Variants in KBTBD11 observed in about 807,000 individuals in gnomAD.
KBTBD11 encodes kelch repeat and BTB domain-containing protein 11.
For synonymous variants in KBTBD11, 747 were observed against 499.0 expected, an observed-to-expected ratio of 1.50 and a Z score of -6.63; for missense variants, 1,390 against 1,001.8, an observed-to-expected ratio of 1.39 and a Z score of -5.23.
intron 1 of KBTBD11, among the ~76,000 whole-genome samples, chr8:1,980,222 A>T (rs1409464801): frequency 7.3e-6 from 1 of 137,328 alleles, no homozygotes; most frequent in Non-Finnish European, 1.5e-5. Context: ...AATACTGATA[A>T]TCAAACTTTT....
In KBTBD11 at chr8:1,973,713, G is replaced by A. The variant is rs2129305955; in HGVS notation, c.-1131G>A. On this transcript the variant is annotated 5_prime_UTR_variant, in exon 1 of 2. Coordinates refer to ENST00000320248, the MANE Select transcript of KBTBD11 (RefSeq NM_014867.3). The stretch of plus-strand genomic sequence containing the variant: ...GCGCCCCTCGCAGCCTGGAGCCGGA[G>A]CGCTGGCTCCGCGCGGCCTGGAGAG... 2 of 983,826 alleles carry A rather than the reference G, an allele frequency of 2.0e-6. No individual in the cohort carries two copies. The highest frequency in any genetic ancestry group is 9.4e-5 in the South Asian group (2 of 21,290). 60.9% of individuals were successfully genotyped at this position (983,826 alleles called of 1,614,324 possible).
Position 2,003,090 on chromosome 8 carries a change from C to A in KBTBD11, c.*26C>A. The A allele has an allele frequency of 7.9e-7, 1 of 1,259,242 alleles. No homozygotes were observed. The highest frequency in any genetic ancestry group is 1.0e-6 in the Non-Finnish European group (1 of 998,494). 78.0% of individuals were successfully genotyped at this position (1,259,242 alleles called of 1,614,324 possible). Reference sequence around the variant, plus strand: ...GCCGGCGGGGTCGGCGGGCGTCTCCCTCGGCAGGGGTTTGCGGGGCCCAGG... The same window carrying A: ...GCCGGCGGGGTCGGCGGGCGTCTCCATCGGCAGGGGTTTGCGGGGCCCAGG... On this transcript the variant is annotated 3_prime_UTR_variant, in exon 2 of 2. Coordinates refer to ENST00000320248, the MANE Select transcript of KBTBD11 (RefSeq NM_014867.3).
At chr8:1,986,304 G>A (rs1257447291) in intron 1 of KBTBD11, among the ~76,000 whole-genome samples, 1 of 152,210 alleles carries the variant, frequency 6.6e-6, no homozygotes, top group East Asian at 1.9e-4. Context: ...GATGATGCAG[G>A]TGCAGTAGAA....
At position 2,001,549 on chromosome 8, in the gene KBTBD11, C is replaced by G. The variant is rs1470514979; in HGVS notation, c.357C>G (p.Ser119=). The change falls in exon 2 of 2, where the codon TCC becomes TCG. Residue 119 remains serine (S), a synonymous_variant. Transcript: ENST00000320248. ...EPRVWLEDPA[S]PEEPGEPAPV... is the part of the protein sequence containing the mutation. ...GCGTTTGGCTTGAGGACCCCGCGTC[C>G]CCCGAGGAGCCCGGGGAGCCCGCGC... is the stretch of plus-strand genomic sequence containing the variant. The G allele has an allele frequency of 2.6e-5, 38 of 1,436,094 alleles. No individual in the cohort carries two copies. Among genetic ancestry groups the G allele is most frequent in the Non-Finnish European group, 3.3e-5 (36 of 1,100,402 alleles). 89.0% of individuals were successfully genotyped at this position (1,436,094 alleles called of 1,614,324 possible). A position where few individuals can be genotyped will look rare whatever the true frequency, so the allele number is the denominator to read the frequency against.
In KBTBD11 at chr8:2,002,095, C is replaced by G. The variant is rs939838353; in HGVS notation, c.903C>G (p.Leu301=). Residue 301 remains leucine (L), a synonymous_variant, in exon 2 of 2, where the codon CTC becomes CTG. Coordinates refer to ENST00000320248, the MANE Select transcript of KBTBD11 (RefSeq NM_014867.3). This position sits in a 1 kb window ranked among gnomAD's most constrained non-coding sequence, Gnocchi z 4.1. ...GCGCCCACCTCTTGGCCGCGGCGCT[C>G]GGGCCGGCGGGGGAGCGCGCGGGCA... ...AGRAHLLAAA[L]GPAGERAGSR... 17 of 1,089,026 alleles carry G rather than the reference C, an allele frequency of 1.6e-5. No homozygotes were observed. Among genetic ancestry groups the G allele is most frequent in the African/African-American group, 1.0e-4 (6 of 59,172 alleles). 67.5% of individuals were successfully genotyped at this position (1,089,026 alleles called of 1,614,324 possible).
intron 1 of KBTBD11, among the ~76,000 whole-genome samples, chr8:1,985,511 C>T (rs1243276071): frequency 3.3e-5 from 5 of 152,278 alleles, no homozygotes; most frequent in African/African-American, 2.4e-5. Flanking sequence ...GCAGCCTGCT[C>T]AGCTTCCAGC....
Position 2,002,893 on chromosome 8 carries a change from C to A in KBTBD11, c.1701C>A (p.Arg567=). 1 of 1,322,452 alleles carries A rather than the reference C, an allele frequency of 7.6e-7. No homozygotes were observed. Among genetic ancestry groups the A allele is most frequent in the African/African-American group, 1.5e-5 (1 of 64,784 alleles). 81.9% of individuals were successfully genotyped at this position (1,322,452 alleles called of 1,614,324 possible). A position where few individuals can be genotyped will look rare whatever the true frequency, so the allele number is the denominator to read the frequency against. The change falls in exon 2 of 2, where the codon CGC becomes CGA. Residue 567 remains arginine (R), a synonymous_variant. Transcript: ENST00000320248. This position sits in a 1 kb window ranked among gnomAD's most constrained non-coding sequence, Gnocchi z 4.1. ...ALDGAIYCVS[R]AGTWRFQPAR... ...ACGGCGCCATCTACTGCGTGAGCCGCGCGGGCACCTGGCGCTTCCAGCCTG... is the reference window on the plus strand; with the variant it reads ...ACGGCGCCATCTACTGCGTGAGCCGAGCGGGCACCTGGCGCTTCCAGCCTG...
Position 2,002,235 on chromosome 8 carries a change from C to A in KBTBD11, c.1043C>A (p.Pro348Gln). The A allele has an allele frequency of 7.1e-6, 9 of 1,262,650 alleles. No individual in the cohort carries two copies. Among genetic ancestry groups the A allele is most frequent in the Non-Finnish European group, 8.9e-6 (9 of 1,009,330 alleles). The allele number at this position is 1,262,650 out of a possible 1,614,324, so 78.2% of individuals were successfully genotyped here. Residue 348 changes from proline to glutamine, a missense_variant, in exon 2 of 2, where the codon CCG becomes CAG. Coordinates refer to ENST00000320248, the MANE Select transcript of KBTBD11 (RefSeq NM_014867.3). This position sits in a 1 kb window ranked among gnomAD's most constrained non-coding sequence, Gnocchi z 4.1. Reference protein sequence around the residue: ...RELTRLPEGAPARGCGLCVLY... With the variant: ...RELTRLPEGAQARGCGLCVLY... ...CTGACGCGGCTGCCCGAGGGCGCGC[C>A]GGCGCGGGGCTGCGGCCTGTGCGTC...
At chr8:1,993,360 TCCATCCGTCCGTCC>T (rs1563371787) in intron 1 of KBTBD11, among the ~76,000 whole-genome samples, 4 of 93,876 alleles carry the variant, frequency 4.3e-5, no homozygotes, top group African/African-American at 6.2e-5. Flanking sequence ...CATCCATCGG[TCCATCCGTCCGTCC>T]GTCCGTCCGT....
At chr8:1,991,220 C>T (rs1585741022) in intron 1 of KBTBD11, among the ~76,000 whole-genome samples, 1 of 152,360 alleles carries the variant, frequency 6.6e-6, no homozygotes, top group East Asian at 1.9e-4. Context: ...CTCCTCCCTG[C>T]ATGTGAGAAA....
chr8:1,998,466 A>G lies in KBTBD11; in HGVS notation c.-908-1819A>G, dbSNP rs1216675317. On this transcript the variant is annotated intron_variant, in intron 1 of 1. Coordinates refer to ENST00000320248, the MANE Select transcript of KBTBD11 (RefSeq NM_014867.3). ...AGAGTTCCAAATTTAAGCTTTTAAA[A>G]TGCATTTGACTGATTGCATGACTTC... is the stretch of plus-strand genomic sequence containing the variant. Among the ~76,000 whole-genome samples the G allele has an allele frequency of 3.9e-5, 6 of 152,350 alleles. No homozygotes were observed. The East Asian group carries it at 9.6e-4, about 24-fold the overall frequency.
intron 1 of KBTBD11, among the ~76,000 whole-genome samples, chr8:1,994,647 A>G (rs1418614130): frequency 2.6e-5 from 4 of 152,214 alleles, no homozygotes; most frequent in Non-Finnish European, 5.9e-5. Context: ...ATGATGTAGC[A>G]CACACCAGAA....
At chr8:1,989,190 A>C (rs1013363422) in intron 1 of KBTBD11, among the ~76,000 whole-genome samples, 5 of 152,202 alleles carry the variant, frequency 3.3e-5, no homozygotes, top group Non-Finnish European at 5.9e-5. Context: ...GAGTCGGGCC[A>C]CAGGGAAGGG....
At chr8:1,985,954 C>T (rs187066984) in intron 1 of KBTBD11, among the ~76,000 whole-genome samples, 2 of 152,254 alleles carry the variant, frequency 1.3e-5, no homozygotes, top group Non-Finnish European at 2.9e-5. Context: ...CATCCACACT[C>T]CCGCGTGGCA....
chr8:1,985,617 C>T (rs961869845), intron 1 of KBTBD11, among the ~76,000 whole-genome samples: 3 of 152,238 alleles, frequency 2.0e-5, no homozygotes, highest in Non-Finnish European at 2.9e-5. Flanking sequence ...ACCCCGAACA[C>T]GCTACAGTCG....
In KBTBD11 at chr8:2,006,500, A is replaced by G. The variant is rs972425025; in HGVS notation, c.*3436A>G. The G allele has an allele frequency of 3.0e-5, 5 of 167,096 alleles. No individual in the cohort carries two copies. The highest frequency in any genetic ancestry group is 2.6e-4 in the Admixed American group (4 of 15,292). 10.4% of individuals were successfully genotyped at this position (167,096 alleles called of 1,614,324 possible). ...TTGTTCATAAGAAAACACGAGCTGA[A>G]AATGGAAATCTGCAGTTGTTTCAGT... On this transcript the variant is annotated 3_prime_UTR_variant, in exon 2 of 2. Coordinates refer to ENST00000320248, the MANE Select transcript of KBTBD11 (RefSeq NM_014867.3).
At chr8:1,996,442 T>G (rs1005664216) in intron 1 of KBTBD11, among the ~76,000 whole-genome samples, 1 of 152,036 alleles carries the variant, frequency 6.6e-6, no homozygotes, top group Non-Finnish European at 1.5e-5. Flanking sequence ...GATTTTGTAT[T>G]TTTTTAGTAG....
At chr8:1,995,316 A>G (rs1352591454) in intron 1 of KBTBD11, among the ~76,000 whole-genome samples, 3 of 152,094 alleles carry the variant, frequency 2.0e-5, no homozygotes. Context: ...GGCAGACACT[A>G]AGAGCAGAAG....
intron 1 of KBTBD11, among the ~76,000 whole-genome samples, chr8:1,988,317 A>C (rs541656952): frequency 1.3e-5 from 2 of 152,340 alleles, no homozygotes; most frequent in South Asian, 2.1e-4. Context: ...ACTGTCTTCC[A>C]CAATGGTTGA....
Sources: gnomAD v4.1 joint callset for allele counts (sites outside exome capture counted in the v4.1 genomes callset) on GRCh38, gnomAD v4.1.1 for gene constraint, Gnocchi (gnomAD v3.1) non-coding constraint, MANE v1.5 for transcripts, NCBI Gene and HGNC (gene_info 2026-07-23, HGNC 2026-07-21) for gene names.